The following ELP4 variants were observed in gnomAD, a reference collection of about 807,000 sequenced individuals.
ELP4 encodes the protein elongator complex protein 4.
Under a neutral mutation model 48.9 loss-of-function variants are expected in ELP4, and 51 were observed. The observed-to-expected ratio is 1.04, with a 90% CI of 0.83 to 1.32. The LOEUF is 1.32. Among genes scored for constraint, ELP4 ranks in the 40% most tolerant of loss-of-function variants. The pLI is 0.00. For missense variants in ELP4, 519 were observed against 514.6 expected (o/e 1.01, Z -0.08); for synonymous variants, 210 against 189.2 (o/e 1.11, Z -0.90).
At chr11:31,730,301 T>C (rs1238616685) in intron 9 of ELP4, among the ~76,000 whole-genome samples, 1 of 152,170 alleles carries the variant, frequency 6.6e-6, no homozygotes, top group East Asian at 1.9e-4. Flanking sequence ...GTTCAGTGTC[T>C]GGTGAAGGCC....
At chr11:31,719,634 T>G in intron 9 of ELP4, 1 of 394,132 alleles carries the variant, frequency 2.5e-6, no homozygotes, top group Non-Finnish European at 4.5e-6. Context: ...TCACTAAAAG[T>G]TTTTATGTAA....
At chr11:31,762,872 A>G in intron 9 of ELP4, among the ~76,000 whole-genome samples, 1 of 151,756 alleles carries the variant, frequency 6.6e-6, no homozygotes, top group East Asian at 1.9e-4. Flanking sequence ...AGTGTGCAAT[A>G]TAATATAAAT....
chr11:31,588,175 C>T (rs1406905995), intron 3 of ELP4, among the ~76,000 whole-genome samples: 1 of 151,980 alleles, frequency 6.6e-6, no homozygotes, highest in Non-Finnish European at 1.5e-5. Flanking sequence ...TATTTCATAT[C>T]AATCTTATTC....
intron 3 of ELP4, among the ~76,000 whole-genome samples, chr11:31,549,556 A>C (rs1256590153): frequency 6.6e-6 from 1 of 151,878 alleles, no homozygotes. Context: ...AAACTAGTTC[A>C]ACCATTGTGG....
At chr11:31,773,109 G>A (rs1432667925) in intron 9 of ELP4, among the ~76,000 whole-genome samples, 1 of 152,202 alleles carries the variant, frequency 6.6e-6, no homozygotes, top group Non-Finnish European at 1.5e-5. Context: ...TGGGGGCCTA[G>A]GATTACTGTA....
At chr11:31,696,725 A>G (rs1285947333) in intron 9 of ELP4, among the ~76,000 whole-genome samples, 4 of 152,190 alleles carry the variant, frequency 2.6e-5, no homozygotes, top group Admixed American at 6.6e-5. Context: ...TGTAAAGACC[A>G]TCCATGCTAG....
intron 6 of ELP4, among the ~76,000 whole-genome samples, chr11:31,630,726 G>C (rs1222109391): frequency 2.0e-5 from 3 of 152,066 alleles, no homozygotes; most frequent in Non-Finnish European, 1.5e-5. Context: ...GATTGCTTTA[G>C]TCCAGCAGTT....
chr11:31,520,593 A>G (rs1956196501), intron 2 of ELP4, among the ~76,000 whole-genome samples: 1 of 152,130 alleles, frequency 6.6e-6, no homozygotes, highest in Non-Finnish European at 1.5e-5. Flanking sequence ...TTTTTAGTAT[A>G]TATAGGTCAC....
chr11:31,682,539 T>C (rs1040501991), intron 9 of ELP4, among the ~76,000 whole-genome samples: 2 of 152,210 alleles, frequency 1.3e-5, no homozygotes, highest in African/African-American at 4.8e-5. Flanking sequence ...ATTAGCACCT[T>C]GGCATTCATT....
At position 31,632,212 on chromosome 11, in the gene ELP4, T is replaced by C; in HGVS notation, c.739-5T>C. ...TATGTTTGCTTTTTTCCCACTTTCT[T>C]TTAGAAAAAACAGAGAAACATTTTA... is the stretch of plus-strand genomic sequence containing the variant. On this transcript the variant is annotated splice_region_variant and splice_polypyrimidine_tract_variant and intron_variant, in intron 6 of 9. Transcript: ENST00000640961. The C allele has an allele frequency of 6.3e-7, 1 of 1,595,380 alleles. No individual in the cohort carries two copies. The highest frequency in any genetic ancestry group is 1.4e-5 in the African/African-American group (1 of 73,628).
At chr11:31,526,880 A>G (rs897110632) in intron 2 of ELP4, among the ~76,000 whole-genome samples, 60 of 152,072 alleles carry the variant, frequency 3.9e-4, no homozygotes, top group African/African-American at 1.4e-3. Flanking sequence ...AAACAAGGGG[A>G]AAAAAATCTT....
chr11:31,586,920 G>C (rs2133979488), intron 3 of ELP4, among the ~76,000 whole-genome samples: 1 of 152,212 alleles, frequency 6.6e-6, no homozygotes, highest in South Asian at 2.1e-4. Flanking sequence ...GATTACAGGC[G>C]TGAGCCACGG....
intron 7 of ELP4, chr11:31,633,077 C>A (rs528362658): frequency 1.3e-5 from 2 of 151,874 alleles, no homozygotes; most frequent in African/African-American, 4.8e-5. Flanking sequence ...TAATATTAAA[C>A]GTGGTTTTAA....
chr11:31,617,412 G>C (rs1450599547), intron 5 of ELP4, among the ~76,000 whole-genome samples: 2 of 152,008 alleles, frequency 1.3e-5, no homozygotes, highest in Non-Finnish European at 2.9e-5. Flanking sequence ...GTAGTTACCA[G>C]GGGTTGAGGG....
intron 9 of ELP4, among the ~76,000 whole-genome samples, chr11:31,675,256 A>G (rs564935806): frequency 1.3e-5 from 2 of 149,860 alleles, no homozygotes; most frequent in East Asian, 1.9e-4. Flanking sequence ...TATAACAATT[A>G]ATACATTTAA....
chr11:31,772,616 CCCAAG>C (rs1469516751), intron 9 of ELP4, among the ~76,000 whole-genome samples: 2 of 152,166 alleles, frequency 1.3e-5, no homozygotes, highest in Non-Finnish European at 2.9e-5. Flanking sequence ...AGCCAGACTG[CCCAAG>C]TTCAAATTCC....
At chr11:31,561,645 T>C (rs1226539963) in intron 3 of ELP4, among the ~76,000 whole-genome samples, 2 of 152,110 alleles carry the variant, frequency 1.3e-5, no homozygotes, top group East Asian at 1.9e-4. Flanking sequence ...AGTTTCACCA[T>C]GTTGGCCTGG....
chr11:31,778,587 C>T (rs1239841307), intron 9 of ELP4, among the ~76,000 whole-genome samples: 2 of 152,170 alleles, frequency 1.3e-5, no homozygotes, highest in African/African-American at 4.8e-5. Context: ...TGATAGTTCA[C>T]AAAACACTTA....
chr11:31,515,306 C>T (rs1956091394), intron 1 of ELP4, among the ~76,000 whole-genome samples: 1 of 151,906 alleles, frequency 6.6e-6, no homozygotes, highest in Non-Finnish European at 1.5e-5. Flanking sequence ...AATATGTCCC[C>T]ATTATGTCTT....
Sources: gnomAD v4.1 joint callset for allele counts (sites outside exome capture counted in the v4.1 genomes callset) on GRCh38, gnomAD v4.1.1 for gene constraint, MANE v1.5 for transcripts, NCBI Gene and HGNC (gene_info 2026-07-23, HGNC 2026-07-21) for gene names.